Variants in FMNL2 observed in about 807,000 individuals in gnomAD.
FMNL2 encodes formin like 2, also known as formin-like protein 2.
A neutral mutation model predicts 130.2 loss-of-function variants in FMNL2; 51 were observed. That is an observed-to-expected ratio of 0.39 (90% CI 0.31 to 0.49). The LOEUF (loss-of-function observed/expected upper bound fraction) is 0.49, where lower values mean the gene tolerates loss of function less well. Ranked by LOEUF, FMNL2 falls within the 20% of genes least tolerant of loss-of-function variation. FMNL2 has a pLI of 0.85. For synonymous variants in FMNL2, 465 were observed against 467.1 expected, an observed-to-expected ratio of 1.00 and a Z score of 0.06; for missense variants, 977 against 1,316.2, an observed-to-expected ratio of 0.74 and a Z score of 3.99.
At chr2:152,575,788 T>C (rs532394169) in intron 7 of FMNL2, among the ~76,000 whole-genome samples, 3 of 152,194 alleles carry the variant, frequency 2.0e-5, no homozygotes, top group Non-Finnish European at 4.4e-5. Context: ...CAAAGGGTTA[T>C]ATGGCAAACA....
At chr2:152,521,008 T>C (rs1693057859) in intron 1 of FMNL2, among the ~76,000 whole-genome samples, 1 of 152,200 alleles carries the variant, frequency 6.6e-6, no homozygotes, top group African/African-American at 2.4e-5. Flanking sequence ...TGCCAGGGGA[T>C]AGACAGGATG....
At chr2:152,458,744 A>G (rs1370753232) in intron 1 of FMNL2, among the ~76,000 whole-genome samples, 5 of 152,260 alleles carry the variant, frequency 3.3e-5, no homozygotes, top group East Asian at 3.9e-4. Context: ...AGGTGGCCCC[A>G]CGTGATGCTG....
chr2:152,605,217 T>G (rs1452170643), intron 9 of FMNL2, among the ~76,000 whole-genome samples: 1 of 152,164 alleles, frequency 6.6e-6, no homozygotes, highest in African/African-American at 2.4e-5. Context: ...TTTAAAATTG[T>G]GCATGCCCGT....
intron 1 of FMNL2, among the ~76,000 whole-genome samples, chr2:152,406,817 T>G (rs1686009469): frequency 6.6e-6 from 1 of 152,222 alleles, no homozygotes; most frequent in South Asian, 2.1e-4. Context: ...AAAAGTTTAT[T>G]GTTTTCATTT....
At chr2:152,473,187 C>T (rs1324832893) in intron 1 of FMNL2, among the ~76,000 whole-genome samples, 1 of 152,036 alleles carries the variant, frequency 6.6e-6, no homozygotes, top group East Asian at 1.9e-4. Context: ...TTTTTCAATA[C>T]TTGCACATTT....
chr2:152,561,028 G>A lies in FMNL2; in HGVS notation c.589G>A (p.Ala197Thr). The A allele has an allele frequency of 6.3e-7, 1 of 1,594,848 alleles. No individual in the cohort carries two copies. Among genetic ancestry groups the A allele is most frequent in the East Asian group, 2.3e-5 (1 of 43,932 alleles). ...TGTCTCCCGCTCTGGAAGACATTCT[G>A]CACTGCGGTGAGTTCGTTTAATCAG... is the stretch of plus-strand genomic sequence containing the variant. ...NSVSRSGRHSALRYNTLPSRR... is the reference protein window; with the variant it reads ...NSVSRSGRHSTLRYNTLPSRR... The change falls in exon 6 of 26, where the codon GCA becomes ACA. Residue 197 changes from alanine (A) to threonine (T), a missense_variant. Ala to Thr is a moderately conservative substitution (Grantham distance 58). This residue lies in a region of FMNL2 where 689 missense variants were observed against 995.9 expected (regional missense o/e 0.69). Coordinates refer to ENST00000288670, the MANE Select transcript of FMNL2 (RefSeq NM_052905.4).
At chr2:152,355,168 A>G (rs542044207) in intron 1 of FMNL2, among the ~76,000 whole-genome samples, 101 of 152,162 alleles carry the variant, frequency 6.6e-4, no homozygotes, top group Non-Finnish European at 6.6e-4. Context: ...CAATGCTGGT[A>G]TTTTTGGCGG....
chr2:152,386,100 T>C (rs780153746), intron 1 of FMNL2, among the ~76,000 whole-genome samples: 37 of 152,176 alleles, frequency 2.4e-4, no homozygotes, highest in Non-Finnish European at 4.4e-5. Context: ...TTGGTGACAA[T>C]AGAAGATAGG....
chr2:152,636,727 T>G (rs1682642741), intron 22 of FMNL2, 137 bp downstream of exon 22: 1 of 1,066,594 alleles, frequency 9.4e-7, no homozygotes. Context: ...TAACTATTAT[T>G]TATTACGGGG....
chr2:152,633,847 A>G (rs1682358635), intron 21 of FMNL2, among the ~76,000 whole-genome samples: 1 of 152,222 alleles, frequency 6.6e-6, no homozygotes, highest in African/African-American at 2.4e-5. Context: ...GGAAAATGGG[A>G]GACTGGGTTG....
At chr2:152,363,478 C>T (rs891348364) in intron 1 of FMNL2, among the ~76,000 whole-genome samples, 4 of 152,130 alleles carry the variant, frequency 2.6e-5, no homozygotes, top group African/African-American at 9.7e-5. Context: ...CTCTCTTTCT[C>T]GTTTCTCAGT....
chr2:152,625,863 A>T (rs1681749879), intron 16 of FMNL2, among the ~76,000 whole-genome samples: 1 of 152,074 alleles, frequency 6.6e-6, no homozygotes, highest in South Asian at 2.1e-4. Context: ...AAGACATAAA[A>T]ACTTTTGGAC....
chr2:152,487,267 A>G (rs1690883912), intron 1 of FMNL2, among the ~76,000 whole-genome samples: 2 of 152,258 alleles, frequency 1.3e-5, no homozygotes, highest in African/African-American at 4.8e-5. Context: ...TGCACTCAGT[A>G]CTTAAAAATA....
intron 1 of FMNL2, among the ~76,000 whole-genome samples, chr2:152,442,838 G>A (rs1688123774): frequency 6.6e-6 from 1 of 152,128 alleles, no homozygotes; most frequent in Non-Finnish European, 1.5e-5. Flanking sequence ...TGTCTGAAGG[G>A]CTTGTTAAAA....
chr2:152,438,351 C>T lies in FMNL2; in HGVS notation c.118-83592C>T, dbSNP rs76119499. Reference sequence around the variant, plus strand: ...AGTAAAAGCATGGCAAATTCAGATGCCCTCAAGGGCCACGCAGGTAACCTT... The same window carrying T: ...AGTAAAAGCATGGCAAATTCAGATGTCCTCAAGGGCCACGCAGGTAACCTT... On this transcript the variant is annotated intron_variant, in intron 1 of 25. Transcript: ENST00000288670. 7.2e-5 allele frequency among the ~76,000 whole-genome samples: 11 copies of T among 152,244 alleles called. No individual in the cohort carries two copies. In the East Asian group the frequency reaches 1.7e-3, roughly 24 times the overall value.
Position 152,628,515 on chromosome 2 carries a change from C to A in FMNL2, c.2382C>A (p.Ser794Arg). The change falls in exon 18 of 26, where the codon AGC (serine) becomes AGA (arginine). Residue 794 changes from serine to arginine, a missense_variant. This residue lies in a region of FMNL2 where 689 missense variants were observed against 995.9 expected (regional missense o/e 0.69). Coordinates refer to ENST00000288670, the MANE Select transcript of FMNL2 (RefSeq NM_052905.4). The stretch of plus-strand genomic sequence containing the variant: ...CCTTCATTGGGAACTTTGCTGAAAG[C>A]ATTCAGATGCTGACTCCTGTGAGTG... Reference protein sequence around the residue: ...IMAFIGNFAESIQMLTPQLHA... With the variant: ...IMAFIGNFAERIQMLTPQLHA... 6.2e-7 allele frequency: 1 copy of A among 1,613,950 alleles called. No homozygotes were observed.
chr2:152,640,654 C>T (rs1465818), intron 24 of FMNL2, 137 bp from the exon 25 acceptor site: 1,087,137 of 1,087,608 alleles, frequency 1, 543,335 homozygotes, highest in East Asian at 1. Context: ...TTCTCTGCAA[C>T]TGAGCAGAAT....
At chr2:152,547,577 A>T (rs1694713579) in intron 3 of FMNL2, among the ~76,000 whole-genome samples, 1 of 152,150 alleles carries the variant, frequency 6.6e-6, no homozygotes, top group Non-Finnish European at 1.5e-5. Context: ...TCAGAAGAAG[A>T]TGACAGGGTA....
intron 2 of FMNL2, among the ~76,000 whole-genome samples, chr2:152,522,794 A>G (rs1693167041): frequency 6.6e-6 from 1 of 152,226 alleles, no homozygotes; most frequent in African/African-American, 2.4e-5. Context: ...TGTCTTTATC[A>G]GCAGTGCAAA....
Sources: allele counts gnomAD v4.1 joint callset (sites outside exome capture counted in the v4.1 genomes callset), GRCh38; gene constraint gnomAD v4.1.1; regional missense constraint gnomAD v4.1.1; transcripts MANE v1.5; gene names NCBI Gene and HGNC (gene_info 2026-07-23, HGNC 2026-07-21).